ABCA12: variants seen among roughly 807,000 people sequenced by gnomAD.
ABCA12 encodes the protein glucosylceramide transporter ABCA12.
A neutral mutation model predicts 293.5 loss-of-function variants in ABCA12; 156 were observed. The observed-to-expected ratio is 0.53, with a 90% CI of 0.47 to 0.61. ABCA12 has a LOEUF of 0.61. Ranked by LOEUF, ABCA12 falls within the 20% of genes least tolerant of loss-of-function variation. ABCA12 has a pLI of 0.00. For missense variants in ABCA12, 2,797 were observed against 3,090.2 expected, an observed-to-expected ratio of 0.91 and a Z score of 2.25; for synonymous variants, 1,063 against 1,108.0, an observed-to-expected ratio of 0.96 and a Z score of 0.81.
chr2:215,137,574 A>C lies in ABCA12; in HGVS notation c.69+566T>G, dbSNP rs112233132. Among the ~76,000 whole-genome samples the C allele has an allele frequency of 3.4e-3, 518 of 152,332 alleles. 4 individuals carry two copies. Among genetic ancestry groups the C allele is most frequent in the African/African-American group, 0.012 (490 of 41,580 alleles). ...TAGTAGTAAAGCTAAGTGATTCAAT[A>C]ATATTCTTAAAACATAGCACATATA... On this transcript the variant is annotated intron_variant, in intron 1 of 52. Transcript: ENST00000272895.
intron 32 of ABCA12, 84 bp from the exon 33 acceptor site, chr2:214,978,550 T>G: frequency 6.6e-7 from 1 of 1,509,094 alleles, no homozygotes; most frequent in Non-Finnish European, 9.0e-7. Flanking sequence ...ATTTTGAACT[T>G]TTATCACATT....
chr2:214,942,885 G>A, intron 50 of ABCA12, 40 bp downstream of exon 50: 1 of 1,517,994 alleles, frequency 6.6e-7, no homozygotes, highest in South Asian at 1.1e-5. Flanking sequence ...TTAGATAGAT[G>A]ACCCAACACT....
At chr2:215,081,647 T>C (rs1208726555) in intron 2 of ABCA12, among the ~76,000 whole-genome samples, 1 of 152,188 alleles carries the variant, frequency 6.6e-6, no homozygotes, top group Non-Finnish European at 1.5e-5. Context: ...AACATTGGAA[T>C]GCTCTGATAC....
At chr2:215,066,211 G>T (rs1055576334) in intron 2 of ABCA12, among the ~76,000 whole-genome samples, 8 of 152,114 alleles carry the variant, frequency 5.3e-5, no homozygotes, top group Admixed American at 3.9e-4. Flanking sequence ...CTGTTACACA[G>T]ATCTCCACTG....
chr2:215,004,250 C>T lies in ABCA12; in HGVS notation c.2642G>A (p.Gly881Glu). The change falls in exon 20 of 53, where the codon GGA becomes GAA. Residue 881 changes from glycine to glutamate, a missense_variant. Coordinates refer to ENST00000272895, the MANE Select transcript of ABCA12 (RefSeq NM_173076.3). ...FVQVFVKFSVGLDAVELLKQI... is the reference protein window; with the variant it reads ...FVQVFVKFSVELDAVELLKQI... The stretch of plus-strand genomic sequence containing the variant: ...TTTCAATAGTTCAACAGCATCGAGT[C>T]CCACGGAGAACTTTACAAAAACTTG... 1.9e-6 allele frequency: 3 copies of T among 1,613,870 alleles called. No homozygotes were observed. The highest frequency in any genetic ancestry group is 2.5e-6 in the Non-Finnish European group (3 of 1,179,966).
intron 11 of ABCA12, chr2:215,022,475 C>G (rs930300545): frequency 9.2e-5 from 14 of 152,194 alleles, no homozygotes; most frequent in African/African-American, 3.4e-4. Flanking sequence ...ACAATACAGG[C>G]ATTAAAGTTC....
intron 1 of ABCA12, among the ~76,000 whole-genome samples, chr2:215,113,779 G>T (rs1702625352): frequency 1.3e-5 from 2 of 152,162 alleles, no homozygotes. Flanking sequence ...TATAGGCAAT[G>T]AACCACAGTG....
At chr2:214,951,976 A>T (rs1698788614) in intron 44 of ABCA12, among the ~76,000 whole-genome samples, 1 of 151,950 alleles carries the variant, frequency 6.6e-6, no homozygotes, top group Non-Finnish European at 1.5e-5. Context: ...CTCACCTAGG[A>T]TTTAGCCAAT....
chr2:215,097,121 A>G (rs779860592), intron 2 of ABCA12, among the ~76,000 whole-genome samples: 1 of 152,180 alleles, frequency 6.6e-6, no homozygotes, highest in Non-Finnish European at 1.5e-5. Context: ...CTAACCTGGT[A>G]TAGAGGTTCA....
At chr2:215,022,317 T>C (rs896041589) in intron 11 of ABCA12, 2 of 152,204 alleles carry the variant, frequency 1.3e-5, no homozygotes, top group African/African-American at 4.8e-5. Flanking sequence ...ATTGGAAATC[T>C]AGCCACACTG....
At chr2:215,084,103 G>A (rs958734851) in intron 2 of ABCA12, among the ~76,000 whole-genome samples, 3 of 151,916 alleles carry the variant, frequency 2.0e-5, no homozygotes, top group Non-Finnish European at 4.4e-5. Flanking sequence ...TCAGCCTCCT[G>A]AATACCTGGG....
intron 3 of ABCA12, among the ~76,000 whole-genome samples, chr2:215,063,534 T>C (rs1313811695): frequency 2.0e-5 from 3 of 152,050 alleles, no homozygotes; most frequent in Non-Finnish European, 4.4e-5. Context: ...CCTTACACCA[T>C]AAAGTAGAAC....
At chr2:215,019,914 G>T (rs1401417133) in intron 11 of ABCA12, 118 bp from the exon 12 acceptor site, 1 of 1,234,620 alleles carries the variant, frequency 8.1e-7, no homozygotes, top group Non-Finnish European at 1.2e-6. Flanking sequence ...GCCTATGTAT[G>T]TGGTTAGTTG....
At chr2:215,038,064 A>T (rs866158277) in intron 7 of ABCA12, among the ~76,000 whole-genome samples, 16 of 152,218 alleles carry the variant, frequency 1.1e-4, no homozygotes, top group Middle Eastern at 3.4e-3. Context: ...TGAAATTTAG[A>T]TTAAGATGAT....
chr2:215,083,421 G>A (rs757863913), intron 2 of ABCA12, among the ~76,000 whole-genome samples: 2 of 152,150 alleles, frequency 1.3e-5, no homozygotes, highest in African/African-American at 2.4e-5. Flanking sequence ...ATCAGAGAGG[G>A]CTTGGACTCA....
chr2:214,957,032 C>T (rs376994369), intron 41 of ABCA12, among the ~76,000 whole-genome samples: 3 of 152,200 alleles, frequency 2.0e-5, no homozygotes, highest in Non-Finnish European at 2.9e-5. Context: ...CCCTGGTGTT[C>T]CTGCCTCTAG....
At chr2:215,011,769 T>C (rs1287324756) in intron 16 of ABCA12, 120 bp from the exon 17 acceptor site, 1 of 1,171,954 alleles carries the variant, frequency 8.5e-7, no homozygotes, top group Non-Finnish European at 1.3e-6. Flanking sequence ...TAATTCCTTT[T>C]ATATGTTTAT....
In ABCA12 at chr2:215,015,663, T is replaced by A; in HGVS notation, c.1783A>T (p.Ile595Phe). The change falls in exon 15 of 53, where the codon ATT (isoleucine) becomes TTT (phenylalanine). Residue 595 changes from isoleucine (I) to phenylalanine (F), a missense_variant and splice_region_variant. Physicochemically the swap from Ile to Phe is conservative, Grantham distance 21. Coordinates refer to ENST00000272895, the MANE Select transcript of ABCA12 (RefSeq NM_173076.3). Reference sequence around the variant, plus strand: ...TGCAGCCAGAACACCTGAGAAATAATCTGCAAATGGAGGAAGAAAAATATT... The same window carrying A: ...TGCAGCCAGAACACCTGAGAAATAAACTGCAAATGGAGGAAGAAAAATATT... The part of the protein sequence containing the change: ...AIPIPDNRAE[I>F]ISQVFWLHSC... 1 of 1,613,774 alleles carries A rather than the reference T, an allele frequency of 6.2e-7. No individual in the cohort carries two copies. The highest frequency in any genetic ancestry group is 8.5e-7 in the Non-Finnish European group (1 of 1,179,742).
At chr2:215,106,040 G>A (rs1453186692) in intron 2 of ABCA12, among the ~76,000 whole-genome samples, 3 of 152,190 alleles carry the variant, frequency 2.0e-5, no homozygotes, top group African/African-American at 7.2e-5. Context: ...AGAGCAAGGT[G>A]CAGTCTGGAA....
Sources: gnomAD v4.1 joint callset for allele counts (sites outside exome capture counted in the v4.1 genomes callset) on GRCh38, gnomAD v4.1.1 for gene constraint, MANE v1.5 for transcripts, NCBI Gene and HGNC (gene_info 2026-07-23, HGNC 2026-07-21) for gene names.